Variants in FOXK1 observed in about 807,000 individuals in gnomAD.
FOXK1 encodes forkhead box K1, also known as forkhead box protein K1.
FOXK1 carries 19 observed loss-of-function variants against 51.9 expected under a neutral mutation model. That is an observed-to-expected ratio of 0.37 (90% CI 0.26 to 0.54). The LOEUF (loss-of-function observed/expected upper bound fraction) is 0.54, where lower values mean the gene tolerates loss of function less well. Among genes scored for constraint, FOXK1 ranks in the 20% least tolerant of loss-of-function variants. The probability of loss-of-function intolerance (pLI) is 0.87; values close to 1 mark genes in which losing one functional copy is unlikely to be tolerated. For synonymous variants in FOXK1, 537 were observed against 482.6 expected (o/e 1.11, Z -1.48); for missense variants, 870 against 1,032.7 (o/e 0.84, Z 2.16).
At chr7:4,738,905 C>A (rs933188816) in intron 1 of FOXK1, among the ~76,000 whole-genome samples, 1 of 152,056 alleles carries the variant, frequency 6.6e-6, no homozygotes, top group Non-Finnish European at 1.5e-5. Flanking sequence ...TGGGAGGAGC[C>A]GCACATTTGT....
At position 4,756,881 on chromosome 7, in the gene FOXK1, C is replaced by T. The variant is rs1217783470; in HGVS notation, c.1051-113C>T. 3 of 1,176,246 alleles carry T rather than the reference C, an allele frequency of 2.6e-6. No homozygotes were observed. The highest frequency in any genetic ancestry group is 2.4e-6 in the Non-Finnish European group (2 of 827,162). The allele number at this position is 1,176,246 out of a possible 1,614,324, so 72.9% of individuals were successfully genotyped here. A position where few individuals can be genotyped will look rare whatever the true frequency, so the allele number is the denominator to read the frequency against. On this transcript the variant is annotated intron_variant, in intron 4 of 8. Transcript: ENST00000328914. This position sits in a 1 kb window ranked among gnomAD's most constrained non-coding sequence, Gnocchi z 4.1. ...AGCCAGCACAGCACCAAGGGCTCTG[C>T]ACAGAGGGACGGCCTCCCCTCACCC...
chr7:4,695,303 G>A (rs1330407361), intron 1 of FOXK1, among the ~76,000 whole-genome samples: 2 of 152,230 alleles, frequency 1.3e-5, no homozygotes, highest in Non-Finnish European at 2.9e-5. Context: ...CCTGCAAGAA[G>A]ATTTTGCTAG....
Position 4,749,385 on chromosome 7 carries a change from C to G in FOXK1, c.747-5074C>G, listed in dbSNP as rs1474698206. ...CGGCTGTTGTGTTTAACAGTGAGGTCCTAAAAACCCTCTTAGAGCGGCTGG... is the reference window on the plus strand; with the variant it reads ...CGGCTGTTGTGTTTAACAGTGAGGTGCTAAAAACCCTCTTAGAGCGGCTGG... On this transcript the variant is annotated intron_variant, in intron 2 of 8. Coordinates refer to ENST00000328914, the MANE Select transcript of FOXK1 (RefSeq NM_001037165.2). The surrounding 1 kb of genome is among the most constrained non-coding windows in gnomAD (Gnocchi z 6.0). Among the ~76,000 whole-genome samples, 1 of 152,172 alleles carries G rather than the reference C, an allele frequency of 6.6e-6. No individual in the cohort carries two copies. Among genetic ancestry groups the G allele is most frequent in the African/African-American group, 2.4e-5 (1 of 41,442 alleles).
At chr7:4,752,884 G>A (rs1263808745) in intron 2 of FOXK1, among the ~76,000 whole-genome samples, 1 of 152,234 alleles carries the variant, frequency 6.6e-6, no homozygotes, top group Non-Finnish European at 1.5e-5. Context: ...GATTTTGGGG[G>A]CTGTGTGCTG....
chr7:4,718,724 G>C (rs1780269796), intron 1 of FOXK1, among the ~76,000 whole-genome samples: 2 of 152,208 alleles, frequency 1.3e-5, no homozygotes, highest in Non-Finnish European at 2.9e-5. Context: ...ACCCATGTAT[G>C]AGAAGCCCAG....
rs1413162237 is a variant in FOXK1, at chr7:4,715,413, T to C, written c.561-25425T>C. On this transcript the variant is annotated intron_variant, in intron 1 of 8. Coordinates refer to ENST00000328914, the MANE Select transcript of FOXK1 (RefSeq NM_001037165.2). This position sits in a 1 kb window ranked among gnomAD's most constrained non-coding sequence, Gnocchi z 4.5. ...GAATGGGATCGCACGGTGGTCCAGATCGTCTGTGCACCCATCCTTGCCCTG... is the reference window on the plus strand; with the variant it reads ...GAATGGGATCGCACGGTGGTCCAGACCGTCTGTGCACCCATCCTTGCCCTG... 6.6e-6 allele frequency among the ~76,000 whole-genome samples: 1 copy of C among 152,042 alleles called. No homozygotes were observed. Among genetic ancestry groups the C allele is most frequent in the Non-Finnish European group, 1.5e-5 (1 of 68,018 alleles).
At chr7:4,732,421 T>C (rs1041095191) in intron 1 of FOXK1, among the ~76,000 whole-genome samples, 12 of 152,146 alleles carry the variant, frequency 7.9e-5, no homozygotes, top group African/African-American at 2.9e-4. Flanking sequence ...GCCTCCCAAG[T>C]AGTTGGGACT....
chr7:4,685,221 CTTTTTTTT>C (rs55891300), intron 1 of FOXK1, among the ~76,000 whole-genome samples: 1 of 102,616 alleles, frequency 9.7e-6, no homozygotes, highest in Non-Finnish European at 2.0e-5. Context: ...GAGCTATTTG[CTTTTTTTT>C]TTTTTTTTTT....
chr7:4,730,843 G>C lies in FOXK1; in HGVS notation c.561-9995G>C, dbSNP rs978139776. ...AAGGTTGTCAGAATTCTCTGATTTG[G>C]GGATTTTATATGTTAACGTTTCTTT... On this transcript the variant is annotated intron_variant, in intron 1 of 8. Transcript: ENST00000328914. This position sits in a 1 kb window ranked among gnomAD's most constrained non-coding sequence, Gnocchi z 4.7. Among the ~76,000 whole-genome samples the C allele has an allele frequency of 6.6e-6, 1 of 152,104 alleles. No homozygotes were observed. The highest frequency in any genetic ancestry group is 1.5e-5 in the Non-Finnish European group (1 of 68,022).
At chr7:4,705,552 T>TCTCTCGCTCTCGCTCTCG (rs1554249281) in intron 1 of FOXK1, among the ~76,000 whole-genome samples, 153 of 143,634 alleles carry the variant, frequency 1.1e-3, no homozygotes, top group Non-Finnish European at 1.8e-3. Context: ...TCTCTCTCTC[T>TCTCTCGCTCTCGCTCTCG]CTCTCTCGCT....
At chr7:4,689,629 G>C (rs1287333455) in intron 1 of FOXK1, among the ~76,000 whole-genome samples, 1 of 152,106 alleles carries the variant, frequency 6.6e-6, no homozygotes, top group Admixed American at 6.6e-5. Context: ...AGTTTCTCAT[G>C]GCTATTTCCA....
At chr7:4,694,199 A>G (rs1267596942) in intron 1 of FOXK1, among the ~76,000 whole-genome samples, 2 of 152,130 alleles carry the variant, frequency 1.3e-5, no homozygotes, top group African/African-American at 4.8e-5. Context: ...ATGTGTTTGT[A>G]TGGAGACATT....
Position 4,743,113 on chromosome 7 carries a change from A to G in FOXK1, c.746+2090A>G, listed in dbSNP as rs943010136. Among the ~76,000 whole-genome samples, 12 of 152,174 alleles carry G rather than the reference A, an allele frequency of 7.9e-5. No homozygotes were observed. The highest frequency in any genetic ancestry group is 2.9e-4 in the African/African-American group (12 of 41,434). ...TGATGATGATGGTGAATCCTAAGTGACTGAGAGCCTGGTGTGTGCCCGCCT... is the reference window on the plus strand; with the variant it reads ...TGATGATGATGGTGAATCCTAAGTGGCTGAGAGCCTGGTGTGTGCCCGCCT... On this transcript the variant is annotated intron_variant, in intron 2 of 8. Transcript: ENST00000328914. The surrounding 1 kb of genome is among the most constrained non-coding windows in gnomAD (Gnocchi z 5.3).
intron 1 of FOXK1, among the ~76,000 whole-genome samples, chr7:4,702,620 A>G (rs914232234): frequency 4.6e-5 from 7 of 152,238 alleles, no homozygotes; most frequent in Admixed American, 1.3e-4. Flanking sequence ...TGCTGGGATT[A>G]CAGGCATGAG....
At chr7:4,716,646 C>T (rs79781183) in intron 1 of FOXK1, among the ~76,000 whole-genome samples, 5,099 of 152,270 alleles carry the variant, frequency 0.033, 288 homozygotes, top group African/African-American at 0.12. Flanking sequence ...GGGTCCTTCT[C>T]AAGACCCAGT....
At chr7:4,746,395 C>T (rs1257710590) in intron 2 of FOXK1, among the ~76,000 whole-genome samples, 2 of 152,120 alleles carry the variant, frequency 1.3e-5, no homozygotes, top group African/African-American at 4.8e-5. Flanking sequence ...GGTGATTCAT[C>T]TCTTTCAAAG....
chr7:4,739,597 T>C (rs1026510261), intron 1 of FOXK1, among the ~76,000 whole-genome samples: 2 of 152,214 alleles, frequency 1.3e-5, no homozygotes, highest in Admixed American at 1.3e-4. Flanking sequence ...ACCCTGACGC[T>C]TGCGGCTGGC....
rs1449315823 is a variant in FOXK1, at chr7:4,747,349, C to T, written c.746+6326C>T. On this transcript the variant is annotated intron_variant, in intron 2 of 8. Coordinates refer to ENST00000328914, the MANE Select transcript of FOXK1 (RefSeq NM_001037165.2). The surrounding 1 kb of genome is among the most constrained non-coding windows in gnomAD (Gnocchi z 9.2). ...CGGAACCTGCCTAGCTGCGGGGCCGCCTCTCCGCTCAAGCACCCACTCAGC... is the reference window on the plus strand; with the variant it reads ...CGGAACCTGCCTAGCTGCGGGGCCGTCTCTCCGCTCAAGCACCCACTCAGC... 2.0e-5 allele frequency among the ~76,000 whole-genome samples: 3 copies of T among 152,202 alleles called. No individual in the cohort carries two copies. Among genetic ancestry groups the T allele is most frequent in the Non-Finnish European group, 4.4e-5 (3 of 68,040 alleles).
At chr7:4,714,398 C>T (rs1321940280) in intron 1 of FOXK1, among the ~76,000 whole-genome samples, 1 of 152,200 alleles carries the variant, frequency 6.6e-6, no homozygotes, top group East Asian at 1.9e-4. Context: ...CTTGCCTCAG[C>T]CTCCCGAGTA....
Sources: allele counts gnomAD v4.1 joint callset (sites outside exome capture counted in the v4.1 genomes callset), GRCh38; gene constraint gnomAD v4.1.1; non-coding constraint Gnocchi (gnomAD v3.1); transcripts MANE v1.5; gene names NCBI Gene and HGNC (gene_info 2026-07-23, HGNC 2026-07-21).